ZNF385D: variants seen among roughly 807,000 people sequenced by gnomAD.
ZNF385D encodes zinc finger protein 385D.
In ZNF385D, 15 loss-of-function variants were observed where a neutral mutation model predicts 35.8. The observed-to-expected ratio is 0.42, with a 90% CI of 0.28 to 0.64. The LOEUF (loss-of-function observed/expected upper bound fraction) is 0.64. Ranked by LOEUF, ZNF385D falls within the 30% of genes least tolerant of loss-of-function variation. ZNF385D has a pLI of 0.23. For missense variants in ZNF385D, 474 were observed against 494.6 expected (o/e 0.96, Z 0.39); for synonymous variants, 212 against 186.8 (o/e 1.13, Z -1.10).
chr3:22,251,488 T>C (rs1423938790), intron 2 of ZNF385D, among the ~76,000 whole-genome samples: 1 of 152,094 alleles, frequency 6.6e-6, no homozygotes, highest in Non-Finnish European at 1.5e-5. Flanking sequence ...TAAGTGGCTA[T>C]TCATAATTTT....
At chr3:22,041,157 A>G (rs534292085) in intron 3 of ZNF385D, among the ~76,000 whole-genome samples, 2 of 143,674 alleles carry the variant, frequency 1.4e-5, no homozygotes, top group Non-Finnish European at 3.2e-5. Flanking sequence ...CCTATCACCA[A>G]AAGGGTTGAT....
intron 2 of ZNF385D, among the ~76,000 whole-genome samples, chr3:22,258,617 T>A (rs1700440391): frequency 6.6e-6 from 1 of 151,734 alleles, no homozygotes; most frequent in Non-Finnish European, 1.5e-5. Context: ...TCAAACTTTT[T>A]GGTCTCAGAA....
intron 3 of ZNF385D, among the ~76,000 whole-genome samples, chr3:21,880,167 T>G (rs1181141180): frequency 6.6e-6 from 1 of 151,920 alleles, no homozygotes; most frequent in Non-Finnish European, 1.5e-5. Flanking sequence ...AGAATGATTT[T>G]GTTACAAAAA....
At chr3:21,595,925 A>G (rs1048477595) in intron 2 of ZNF385D, among the ~76,000 whole-genome samples, 6 of 152,220 alleles carry the variant, frequency 3.9e-5, no homozygotes, top group African/African-American at 1.4e-4. Flanking sequence ...CTTCATTTCT[A>G]TGTGGTTTTC....
At chr3:21,805,814 G>A (rs2072616290) in intron 3 of ZNF385D, among the ~76,000 whole-genome samples, 1 of 152,178 alleles carries the variant, frequency 6.6e-6, no homozygotes, top group Non-Finnish European at 1.5e-5. Context: ...GAAAGAATGG[G>A]AAGCTGCTTG....
chr3:21,526,528 A>G (rs1708234220), intron 3 of ZNF385D, among the ~76,000 whole-genome samples: 1 of 152,218 alleles, frequency 6.6e-6, no homozygotes, highest in African/African-American at 2.4e-5. Flanking sequence ...GAGATGTAGA[A>G]CATGCAGCCA....
In ZNF385D at chr3:22,250,821, G is replaced by A. The variant is rs191556295; in HGVS notation, c.107-81786C>T. Among the ~76,000 whole-genome samples the A allele has an allele frequency of 3.2e-3, 487 of 152,124 alleles. 8 individuals carry two copies. Among genetic ancestry groups the A allele is most frequent in the Admixed American group, 0.029 (449 of 15,248 alleles). Reference sequence around the variant, plus strand: ...AGTGGAGAGTTTAGAGTGAATCTGTGGGTACCTCAGTGGCTTTAAAACTAA... The same window carrying A: ...AGTGGAGAGTTTAGAGTGAATCTGTAGGTACCTCAGTGGCTTTAAAACTAA... On this transcript the variant is annotated intron_variant, in intron 2 of 5. Coordinates refer to the ZNF385D transcript ENST00000494108.
intron 3 of ZNF385D, among the ~76,000 whole-genome samples, chr3:21,828,221 T>C (rs1266527467): frequency 6.6e-6 from 1 of 152,202 alleles, no homozygotes; most frequent in Admixed American, 6.5e-5. Flanking sequence ...TTTAAACTAA[T>C]ATGTTTATCC....
chr3:22,122,677 A>C (rs1703154718), intron 3 of ZNF385D, among the ~76,000 whole-genome samples: 1 of 152,162 alleles, frequency 6.6e-6, no homozygotes, highest in Non-Finnish European at 1.5e-5. Flanking sequence ...AAGAACAGAG[A>C]GTATATATAT....
intron 2 of ZNF385D, among the ~76,000 whole-genome samples, chr3:22,211,488 C>A (rs1478443059): frequency 6.6e-6 from 1 of 151,906 alleles, no homozygotes. Flanking sequence ...AATTATCTTA[C>A]ATGAGCATTT....
intron 3 of ZNF385D, among the ~76,000 whole-genome samples, chr3:22,141,865 T>G (rs913242867): frequency 5.9e-5 from 9 of 152,216 alleles, no homozygotes; most frequent in African/African-American, 2.2e-4. Flanking sequence ...ATTAGCAAAG[T>G]TCAGTGATCT....
intron 1 of ZNF385D, among the ~76,000 whole-genome samples, chr3:21,674,137 A>G (rs753323886): frequency 6.6e-6 from 1 of 152,170 alleles, no homozygotes; most frequent in Non-Finnish European, 1.5e-5. Flanking sequence ...AGAAAAGGAA[A>G]GAATGGTCAA....
intron 3 of ZNF385D, among the ~76,000 whole-genome samples, chr3:21,862,377 T>C (rs115169833): frequency 0.042 from 6,439 of 151,680 alleles, 220 homozygotes; most frequent in Non-Finnish European, 0.062. Flanking sequence ...CTCAAAGTGA[T>C]ATAAATCAGC....
intron 1 of ZNF385D, among the ~76,000 whole-genome samples, chr3:21,677,799 T>TTAATAATTTAG (rs1259319535): frequency 6.6e-6 from 1 of 152,006 alleles, no homozygotes; most frequent in Non-Finnish European, 1.5e-5. Context: ...CTGTTAGTCC[T>TTAATAATTTAG]TAATAATTTA....
chr3:21,836,253 G>C (rs949437051), intron 3 of ZNF385D, among the ~76,000 whole-genome samples: 2 of 151,990 alleles, frequency 1.3e-5, no homozygotes, highest in African/African-American at 4.8e-5. Flanking sequence ...TAAATATGGA[G>C]GCGCATTAAA....
At chr3:22,087,389 C>A (rs1448917552) in intron 3 of ZNF385D, among the ~76,000 whole-genome samples, 2 of 152,082 alleles carry the variant, frequency 1.3e-5, no homozygotes, top group African/African-American at 4.8e-5. Context: ...CCCTTAAAAA[C>A]ATATATGTTA....
intron 2 of ZNF385D, among the ~76,000 whole-genome samples, chr3:21,627,139 T>C (rs2065155860): frequency 6.6e-6 from 1 of 152,006 alleles, no homozygotes; most frequent in African/African-American, 2.4e-5. Flanking sequence ...GTTAAATATA[T>C]TTTTAAATGA....
chr3:21,755,775 T>C (rs2070313098), upstream of ZNF385D, among the ~76,000 whole-genome samples: 1 of 152,236 alleles, frequency 6.6e-6, no homozygotes, highest in Non-Finnish European at 1.5e-5. Flanking sequence ...TATGAATTCA[T>C]TCAACATTTT....
intron 3 of ZNF385D, among the ~76,000 whole-genome samples, chr3:21,863,636 A>G (rs1575798664): frequency 6.6e-6 from 1 of 152,146 alleles, no homozygotes; most frequent in East Asian, 1.9e-4. Flanking sequence ...ATAAGAAACT[A>G]TGGAAGGTCT....
Sources: allele counts gnomAD v4.1 joint callset (sites outside exome capture counted in the v4.1 genomes callset), GRCh38; gene constraint gnomAD v4.1.1; transcripts MANE v1.5; gene names NCBI Gene and HGNC (gene_info 2026-07-23, HGNC 2026-07-21).